Variants in BACH2 observed in about 807,000 individuals in gnomAD.
The protein encoded by BACH2 is BACH transcriptional regulator 2, also known as transcription regulator protein BACH2.
BACH2 carries 5 observed loss-of-function variants against 61.8 expected under a neutral mutation model. The observed-to-expected ratio is 0.08, with a 90% CI of 0.04 to 0.17. The LOEUF is 0.17. Ranked by LOEUF, BACH2 falls within the 10% of genes least tolerant of loss-of-function variation. The pLI is 1.00. For missense variants in BACH2, 824 were observed against 1,091.1 expected, an observed-to-expected ratio of 0.76 and a Z score of 3.45; for synonymous variants, 446 against 440.1, an observed-to-expected ratio of 1.01 and a Z score of -0.17.
intron 4 of BACH2, among the ~76,000 whole-genome samples, chr6:90,148,310 G>A (rs190535040): frequency 6.6e-6 from 1 of 152,330 alleles, no homozygotes; most frequent in Non-Finnish European, 1.5e-5. Flanking sequence ...AGCCTCAGAT[G>A]CCCAGAGGGG....
chr6:90,176,578 G>A (rs991157594), intron 4 of BACH2, among the ~76,000 whole-genome samples: 1 of 152,080 alleles, frequency 6.6e-6, no homozygotes, highest in Admixed American at 6.6e-5. Context: ...ACGACACACC[G>A]GAGGAGAGGG....
chr6:90,251,371 G>A (rs1770803044), intron 3 of BACH2, among the ~76,000 whole-genome samples: 1 of 151,984 alleles, frequency 6.6e-6, no homozygotes, highest in Non-Finnish European at 1.5e-5. Context: ...CCATAGACGC[G>A]GATGGTTTCT....
chr6:90,078,127 A>G (rs910035067), intron 5 of BACH2, among the ~76,000 whole-genome samples: 2 of 152,332 alleles, frequency 1.3e-5, no homozygotes, highest in African/African-American at 4.8e-5. Context: ...AACCAGAATT[A>G]TAACAGATGC....
At chr6:90,207,035 A>G (rs1769168484) in intron 3 of BACH2, among the ~76,000 whole-genome samples, 1 of 151,988 alleles carries the variant, frequency 6.6e-6, no homozygotes, top group Non-Finnish European at 1.5e-5. Context: ...TATTCTTTAC[A>G]TGGCGTTTTT....
At chr6:90,260,131 T>C (rs755955263) in intron 2 of BACH2, among the ~76,000 whole-genome samples, 3 of 152,194 alleles carry the variant, frequency 2.0e-5, no homozygotes, top group Non-Finnish European at 4.4e-5. Flanking sequence ...CCTTGAGGTG[T>C]AATGTCACAC....
Position 90,164,762 on chromosome 6 carries a change from C to T in BACH2, c.-162+41807G>A, listed in dbSNP as rs371485957. ...TGGGATGCAAGGCTGGTTCAACATA[C>T]GCAAATCAATAAACATAATCCAGCA... On this transcript the variant is annotated intron_variant, in intron 4 of 8. Transcript: ENST00000257749. 1.2e-4 allele frequency among the ~76,000 whole-genome samples: 18 copies of T among 152,010 alleles called. No homozygotes were observed. The South Asian group carries it at 1.7e-3, about 14-fold the overall frequency.
chr6:90,046,884 AT>A (rs1349128597), intron 5 of BACH2, among the ~76,000 whole-genome samples: 1 of 152,056 alleles, frequency 6.6e-6, no homozygotes, highest in Non-Finnish European at 1.5e-5. Context: ...CAAGCAACTC[AT>A]TAACAGAGGC....
intron 4 of BACH2, among the ~76,000 whole-genome samples, chr6:90,181,996 C>T (rs147673614): frequency 1.0e-3 from 153 of 152,214 alleles, no homozygotes; most frequent in African/African-American, 3.4e-3. Flanking sequence ...GCCTCTCCAG[C>T]ATGGAGTTCC....
At chr6:90,155,898 C>A (rs1231142144) in intron 4 of BACH2, among the ~76,000 whole-genome samples, 1 of 152,142 alleles carries the variant, frequency 6.6e-6, no homozygotes, top group Non-Finnish European at 1.5e-5. Flanking sequence ...TGCTGGCCGA[C>A]TAAAAAAAGT....
chr6:90,194,850 T>C (rs1333670823), intron 4 of BACH2, among the ~76,000 whole-genome samples: 2 of 152,196 alleles, frequency 1.3e-5, no homozygotes, highest in East Asian at 1.9e-4. Flanking sequence ...TGGTAATAAA[T>C]TGGAAAACCT....
intron 7 of BACH2, among the ~76,000 whole-genome samples, chr6:89,947,147 G>A (rs1773776350): frequency 6.6e-6 from 1 of 152,194 alleles, no homozygotes; most frequent in African/African-American, 2.4e-5. Flanking sequence ...GTCTCCGTGG[G>A]GTTCACTTGA....
intron 4 of BACH2, among the ~76,000 whole-genome samples, chr6:90,137,343 T>A (rs549380886): frequency 2.6e-5 from 4 of 152,150 alleles, no homozygotes; most frequent in African/African-American, 9.7e-5. Context: ...ATGTTTCTGC[T>A]GGAGTGAGAA....
intron 4 of BACH2, among the ~76,000 whole-genome samples, chr6:90,198,506 T>C (rs757457643): frequency 9.2e-5 from 14 of 152,184 alleles, no homozygotes; most frequent in Non-Finnish European, 1.6e-4. Context: ...GCCTATAGGG[T>C]CTTAACACAA....
intron 5 of BACH2, among the ~76,000 whole-genome samples, chr6:90,051,757 G>A (rs540847104): frequency 8.7e-5 from 13 of 149,526 alleles, no homozygotes; most frequent in African/African-American, 3.2e-4. Flanking sequence ...TCCTTTTCTA[G>A]TAACAAACCT....
chr6:89,985,436 TG>T (rs1776188499), intron 6 of BACH2, among the ~76,000 whole-genome samples: 1 of 151,988 alleles, frequency 6.6e-6, no homozygotes, highest in Non-Finnish European at 1.5e-5. Context: ...CCAGATGCTG[TG>T]GGGAGGTGGC....
Position 90,008,973 on chromosome 6 carries a change from G to C in BACH2, c.-12-117C>G. The C allele has an allele frequency of 1.6e-6, 2 of 1,228,082 alleles. No individual in the cohort carries two copies. Among genetic ancestry groups the C allele is most frequent in the Non-Finnish European group, 2.2e-6 (2 of 896,034 alleles). The allele number at this position is 1,228,082 out of a possible 1,614,324, so 76.1% of individuals were successfully genotyped here. A position where few individuals can be genotyped will look rare whatever the true frequency, so the allele number is the denominator to read the frequency against. On this transcript the variant is annotated intron_variant, in intron 5 of 8. Coordinates refer to ENST00000257749, the MANE Select transcript of BACH2 (RefSeq NM_021813.4). This position sits in a 1 kb window ranked among gnomAD's most constrained non-coding sequence, Gnocchi z 4.1. Reference sequence around the variant, plus strand: ...TGGTTCCTGTGTCCCACTGCCATGAGCATGGCAGGAAGGAGGGGAATTACC... The same window carrying C: ...TGGTTCCTGTGTCCCACTGCCATGACCATGGCAGGAAGGAGGGGAATTACC...
chr6:89,990,813 T>C (rs1417735675), intron 6 of BACH2, among the ~76,000 whole-genome samples: 1 of 152,232 alleles, frequency 6.6e-6, no homozygotes, highest in Non-Finnish European at 1.5e-5. Context: ...CTGTCTGTCA[T>C]CCCTAATTGG....
At chr6:90,017,513 T>A (rs1333925763) in intron 5 of BACH2, among the ~76,000 whole-genome samples, 2 of 152,208 alleles carry the variant, frequency 1.3e-5, no homozygotes, top group Non-Finnish European at 2.9e-5. Flanking sequence ...TGAGTCATCA[T>A]GCCTAGCCAC....
intron 5 of BACH2, among the ~76,000 whole-genome samples, chr6:90,072,454 T>C (rs1781278793): frequency 6.6e-6 from 1 of 152,202 alleles, no homozygotes; most frequent in Non-Finnish European, 1.5e-5. Flanking sequence ...TATTTTAGGA[T>C]TTCCAAACTA....
Sources: allele counts gnomAD v4.1 joint callset (sites outside exome capture counted in the v4.1 genomes callset), GRCh38; gene constraint gnomAD v4.1.1; non-coding constraint Gnocchi (gnomAD v3.1); transcripts MANE v1.5; gene names NCBI Gene and HGNC (gene_info 2026-07-23, HGNC 2026-07-21).